The following ERGIC1 variants were observed in gnomAD, a reference collection of about 807,000 sequenced individuals.
The protein encoded by ERGIC1 is endoplasmic reticulum-Golgi intermediate compartment protein 1.
In ERGIC1, 19 loss-of-function variants were observed where a neutral mutation model predicts 38.3. The ratio of observed to expected loss-of-function variants is 0.50; its 90% confidence interval spans 0.35 to 0.73. The LOEUF (loss-of-function observed/expected upper bound fraction) is 0.73, where lower values mean the gene tolerates loss of function less well. ERGIC1 is among the 30% of genes least tolerant of loss of function. The probability of loss-of-function intolerance (pLI) is 0.01; values close to 1 mark genes in which losing one functional copy is unlikely to be tolerated. For missense variants in ERGIC1, 294 were observed against 389.2 expected, an observed-to-expected ratio of 0.76 and a Z score of 2.06; for synonymous variants, 124 against 157.6, an observed-to-expected ratio of 0.79 and a Z score of 1.60.
chr5:172,839,315 G>A (rs1348674118), intron 1 of ERGIC1, among the ~76,000 whole-genome samples: 1 of 151,650 alleles, frequency 6.6e-6, no homozygotes, highest in Non-Finnish European at 1.5e-5. Flanking sequence ...CAGTACTTTG[G>A]GAGGCCAAAG....
chr5:172,879,296 G>T (rs1354363379), intron 1 of ERGIC1, among the ~76,000 whole-genome samples: 1 of 152,230 alleles, frequency 6.6e-6, no homozygotes, highest in Non-Finnish European at 1.5e-5. Context: ...GTTTATTCGG[G>T]GTTGGGCTCT....
intron 3 of ERGIC1, among the ~76,000 whole-genome samples, chr5:172,902,410 G>T (rs1762906802): frequency 6.6e-6 from 1 of 152,234 alleles, no homozygotes; most frequent in Non-Finnish European, 1.5e-5. Context: ...TCCCATTAAG[G>T]AGCATGAAGG....
rs568939859 is a variant in ERGIC1 at position 172,837,519 on chromosome 5, A to G, written c.20+3086A>G. Among the ~76,000 whole-genome samples the G allele has an allele frequency of 6.6e-6, 1 of 152,344 alleles. No homozygotes were observed. Among genetic ancestry groups the G allele is most frequent in the South Asian group, 2.1e-4 (1 of 4,830 alleles). ...CAGGCTTCTTCAAGGTTGCATCTCCAGCACCTAGAACTGTGCTTGAGCCAA... is the reference window on the plus strand; with the variant it reads ...CAGGCTTCTTCAAGGTTGCATCTCCGGCACCTAGAACTGTGCTTGAGCCAA... On this transcript the variant is annotated intron_variant, in intron 1 of 9. Transcript: ENST00000393784. The surrounding 1 kb of genome is among the most constrained non-coding windows in gnomAD (Gnocchi z 4.3).
chr5:172,944,282 A>G (rs1003954788), intron 9 of ERGIC1, among the ~76,000 whole-genome samples: 3 of 152,102 alleles, frequency 2.0e-5, no homozygotes, highest in Admixed American at 6.5e-5. Flanking sequence ...TGGGAGATAC[A>G]AGAGCGTGGC....
At chr5:172,862,019 T>A (rs1451112864) in intron 1 of ERGIC1, among the ~76,000 whole-genome samples, 2 of 151,502 alleles carry the variant, frequency 1.3e-5, no homozygotes, top group Non-Finnish European at 2.9e-5. Context: ...TAGATGAAGT[T>A]TTGCTCTTGT....
intron 3 of ERGIC1, chr5:172,905,226 C>A (rs978537583): frequency 2.7e-5 from 7 of 262,780 alleles, no homozygotes; most frequent in Admixed American, 1.2e-4. Flanking sequence ...CAGGCAGCTT[C>A]CTGGCTGGGA....
intron 8 of ERGIC1, chr5:172,934,235 G>A (rs1342420933): frequency 1.3e-5 from 2 of 152,532 alleles, no homozygotes; most frequent in Admixed American, 6.5e-5. Context: ...ATGTGGGGTT[G>A]GGGGTACCCC....
At chr5:172,860,238 G>C (rs1481337461) in intron 1 of ERGIC1, among the ~76,000 whole-genome samples, 1 of 152,230 alleles carries the variant, frequency 6.6e-6, no homozygotes, top group African/African-American at 2.4e-5. Flanking sequence ...GGAACTAGCA[G>C]AGGAGGGCAG....
Position 172,862,307 on chromosome 5 carries a change from C to CAAAAAAAAA in ERGIC1, c.21-26375_21-26367dup, listed in dbSNP as rs58968820. Among the ~76,000 whole-genome samples, 42 of 49,480 alleles carry CAAAAAAAAA rather than the reference C, an allele frequency of 8.5e-4. 4 individuals are homozygous for CAAAAAAAAA. The highest frequency in any genetic ancestry group is 4.6e-3 in the South Asian group (3 of 656). 32.5% of individuals were successfully genotyped at this position (49,480 alleles called of 152,430 possible). A position where few individuals can be genotyped will look rare whatever the true frequency, so the allele number is the denominator to read the frequency against. ...TGGGCAACTGAGTGAGACTACATCT[C>CAAAAAAAAA]AAAAAAAAAAAAAAAAAAAAAAAAA... On this transcript the variant is annotated intron_variant, in intron 1 of 9. Coordinates refer to ENST00000393784, the MANE Select transcript of ERGIC1 (RefSeq NM_001031711.3).
At chr5:172,908,808 G>A (rs1763123848) in intron 3 of ERGIC1, among the ~76,000 whole-genome samples, 1 of 152,180 alleles carries the variant, frequency 6.6e-6, no homozygotes, top group African/African-American at 2.4e-5. Flanking sequence ...GCAGCCACAG[G>A]AAATTAATAC....
intron 1 of ERGIC1, among the ~76,000 whole-genome samples, chr5:172,859,010 G>T (rs1052986839): frequency 1.2e-4 from 19 of 152,332 alleles, no homozygotes; most frequent in Middle Eastern, 3.4e-3. Flanking sequence ...TCTTAGCCCA[G>T]ACTTACCTTC....
chr5:172,899,559 C>T (rs1375806540), intron 3 of ERGIC1, among the ~76,000 whole-genome samples: 2 of 151,946 alleles, frequency 1.3e-5, no homozygotes, highest in African/African-American at 4.8e-5. Flanking sequence ...TCAAATGATC[C>T]ACCCGCCTCA....
rs763230438 is a variant in ERGIC1 at position 172,837,365 on chromosome 5, A to G, written c.20+2932A>G. ...AAGCGCCTCATCCATTTTGGCCGCC[A>G]TATTTATTTGTGTCATTTTATTTAA... On this transcript the variant is annotated intron_variant, in intron 1 of 9. Coordinates refer to ENST00000393784, the MANE Select transcript of ERGIC1 (RefSeq NM_001031711.3). This position sits in a 1 kb window ranked among gnomAD's most constrained non-coding sequence, Gnocchi z 4.3. 1.9e-4 allele frequency among the ~76,000 whole-genome samples: 29 copies of G among 152,200 alleles called. No homozygotes were observed. Among genetic ancestry groups the G allele is most frequent in the Non-Finnish European group, 3.4e-4 (23 of 68,024 alleles).
intron 1 of ERGIC1, among the ~76,000 whole-genome samples, chr5:172,866,726 G>A (rs187929022): frequency 2.6e-5 from 4 of 152,330 alleles, no homozygotes; most frequent in Admixed American, 2.6e-4. Context: ...ACCCAGAAAG[G>A]GCAGCTCCAG....
chr5:172,866,078 G>C (rs1469095659), intron 1 of ERGIC1, among the ~76,000 whole-genome samples: 2 of 152,120 alleles, frequency 1.3e-5, no homozygotes, highest in African/African-American at 4.8e-5. Context: ...CTTTGAGTGA[G>C]TATAAACTCT....
intron 5 of ERGIC1, 118 bp from the exon 6 acceptor site, chr5:172,923,887 A>T (rs1763590497): frequency 2.3e-6 from 2 of 875,166 alleles, no homozygotes; most frequent in Non-Finnish European, 3.7e-6. Context: ...TACAAGCAGG[A>T]TCCAAACCCA....
intron 1 of ERGIC1, among the ~76,000 whole-genome samples, chr5:172,861,050 G>A (rs886952173): frequency 6.6e-6 from 1 of 152,176 alleles, no homozygotes; most frequent in African/African-American, 2.4e-5. Flanking sequence ...CCGAAAACAA[G>A]CTGAGTCCTG....
At position 172,837,861 on chromosome 5, in the gene ERGIC1, C is replaced by G. The variant is rs1761072519; in HGVS notation, c.20+3428C>G. Among the ~76,000 whole-genome samples, 1 of 152,258 alleles carries G rather than the reference C, an allele frequency of 6.6e-6. No homozygotes were observed. Among genetic ancestry groups the G allele is most frequent in the Admixed American group, 6.5e-5 (1 of 15,290 alleles). On this transcript the variant is annotated intron_variant, in intron 1 of 9. Coordinates refer to ENST00000393784, the MANE Select transcript of ERGIC1 (RefSeq NM_001031711.3). This position sits in a 1 kb window ranked among gnomAD's most constrained non-coding sequence, Gnocchi z 4.3. ...GTGTGTTGTTTCGAGTTCCGGCTGGCCTGGGGCCAGTAGCACCTGCTGCCT... is the reference window on the plus strand; with the variant it reads ...GTGTGTTGTTTCGAGTTCCGGCTGGGCTGGGGCCAGTAGCACCTGCTGCCT...
intron 1 of ERGIC1, among the ~76,000 whole-genome samples, chr5:172,857,859 C>T (rs1761591974): frequency 1.3e-5 from 2 of 152,078 alleles, no homozygotes; most frequent in Non-Finnish European, 2.9e-5. Context: ...TTTCATCTCC[C>T]CAGGCTGTTC....
Sources: gnomAD v4.1 joint callset for allele counts (sites outside exome capture counted in the v4.1 genomes callset) on GRCh38, gnomAD v4.1.1 for gene constraint, Gnocchi (gnomAD v3.1) non-coding constraint, MANE v1.5 for transcripts, NCBI Gene and HGNC (gene_info 2026-07-23, HGNC 2026-07-21) for gene names.